ADGRB3: variants seen among roughly 807,000 people sequenced by gnomAD.
ADGRB3 encodes adhesion G protein-coupled receptor B3.
ADGRB3 carries 37 observed loss-of-function variants against 193.4 expected under a neutral mutation model. The observed-to-expected ratio is 0.19, with a 90% CI of 0.15 to 0.25. ADGRB3 has a LOEUF of 0.25. ADGRB3 is among the 10% of genes least tolerant of loss of function. The pLI, the probability that ADGRB3 is intolerant of heterozygous loss-of-function variation, is 1.00. For missense variants in ADGRB3, 1,637 were observed against 1,852.9 expected, an observed-to-expected ratio of 0.88 and a Z score of 2.14; for synonymous variants, 690 against 644.2, an observed-to-expected ratio of 1.07 and a Z score of -1.08.
intron 15 of ADGRB3, among the ~76,000 whole-genome samples, chr6:69,054,988 T>C (rs1771502320): frequency 6.6e-6 from 1 of 152,206 alleles, no homozygotes; most frequent in South Asian, 2.1e-4. Context: ...CTACATGAAC[T>C]ATAAATCTAA....
intron 6 of ADGRB3, among the ~76,000 whole-genome samples, chr6:68,953,693 A>G (rs1767992066): frequency 6.6e-6 from 1 of 152,242 alleles, no homozygotes; most frequent in Non-Finnish European, 1.5e-5. Flanking sequence ...TAATGGAATG[A>G]TTAAATTGGC....
chr6:68,979,555 A>G (rs1445585518), intron 10 of ADGRB3, among the ~76,000 whole-genome samples: 1 of 151,596 alleles, frequency 6.6e-6, no homozygotes, highest in African/African-American at 2.4e-5. Flanking sequence ...ATGAGAACAA[A>G]GTGCTAAACG....
At chr6:68,789,017 C>T (rs1767041163) in intron 3 of ADGRB3, among the ~76,000 whole-genome samples, 1 of 152,104 alleles carries the variant, frequency 6.6e-6, no homozygotes, top group South Asian at 2.1e-4. Flanking sequence ...GTAGATCTTC[C>T]TCCATCCCTT....
At chr6:69,367,582 G>T (rs552962805) in intron 29 of ADGRB3, among the ~76,000 whole-genome samples, 1 of 152,108 alleles carries the variant, frequency 6.6e-6, no homozygotes, top group Non-Finnish European at 1.5e-5. Flanking sequence ...GTATGTGATT[G>T]TGGTTTTGAT....
chr6:68,840,803 A>T (rs62418573), intron 3 of ADGRB3, among the ~76,000 whole-genome samples: 1 of 152,028 alleles, frequency 6.6e-6, no homozygotes, highest in Non-Finnish European at 1.5e-5. Context: ...ATCGAAAGAC[A>T]TAGAGTAGAC....
chr6:69,260,896 A>T (rs569600641), intron 20 of ADGRB3, among the ~76,000 whole-genome samples: 8 of 152,300 alleles, frequency 5.3e-5, no homozygotes, highest in African/African-American at 1.9e-4. Context: ...TCTAAACTGT[A>T]TTTAGGAATA....
chr6:69,168,447 A>C (rs1775186132), intron 17 of ADGRB3, among the ~76,000 whole-genome samples: 1 of 152,192 alleles, frequency 6.6e-6, no homozygotes, highest in African/African-American at 2.4e-5. Context: ...TAAGTACCCA[A>C]GTGTGACATT....
chr6:69,117,376 G>T (rs1377294589), intron 17 of ADGRB3, among the ~76,000 whole-genome samples: 1 of 152,116 alleles, frequency 6.6e-6, no homozygotes, highest in Non-Finnish European at 1.5e-5. Flanking sequence ...TAAAGTTTAG[G>T]TATGTTATTC....
chr6:69,214,356 C>T (rs1177750221), intron 17 of ADGRB3, among the ~76,000 whole-genome samples: 2 of 152,090 alleles, frequency 1.3e-5, no homozygotes, highest in Non-Finnish European at 2.9e-5. Context: ...GTATTGTAGT[C>T]AGTGCTGCTT....
chr6:68,734,643 G>A (rs1425455638), intron 3 of ADGRB3, among the ~76,000 whole-genome samples: 1 of 152,010 alleles, frequency 6.6e-6, no homozygotes, highest in African/African-American at 2.4e-5. Context: ...TAATGAAAAT[G>A]AGGAGAGGAG....
chr6:69,384,958 T>TTA (rs1175411852), intron 31 of ADGRB3, among the ~76,000 whole-genome samples: 1 of 85,356 alleles, frequency 1.2e-5, no homozygotes, highest in East Asian at 4.9e-4. Context: ...TTCTTTTCTT[T>TTA]TCTTTTTTTT....
chr6:69,213,068 T>C (rs1765700173), intron 17 of ADGRB3, among the ~76,000 whole-genome samples: 2 of 152,184 alleles, frequency 1.3e-5, no homozygotes, highest in African/African-American at 4.8e-5. Flanking sequence ...GAAGTATTCA[T>C]TTTATAAAGA....
At chr6:69,123,653 T>C (rs1773778946) in intron 17 of ADGRB3, among the ~76,000 whole-genome samples, 1 of 152,112 alleles carries the variant, frequency 6.6e-6, no homozygotes, top group African/African-American at 2.4e-5. Flanking sequence ...ATACAGCACC[T>C]AGGGGAAAAA....
At position 69,177,303 on chromosome 6, in the gene ADGRB3, A is replaced by C. The variant is rs1432690444; in HGVS notation, c.2481-55987A>C. ...TTGCTCTTAATACTGCTTTTGCTGT[A>C]TCCCAGATATTTTGGTATGTTGTGT... On this transcript the variant is annotated intron_variant, in intron 17 of 31. Transcript: ENST00000370598. Among the ~76,000 whole-genome samples, 3 of 152,166 alleles carry C rather than the reference A, an allele frequency of 2.0e-5. No individual in the cohort carries two copies. In the East Asian group the frequency reaches 5.8e-4, roughly 29 times the overall value.
intron 15 of ADGRB3, among the ~76,000 whole-genome samples, chr6:69,056,782 A>G (rs984648925): frequency 1.3e-5 from 2 of 152,044 alleles, no homozygotes; most frequent in South Asian, 2.1e-4. Context: ...TGTGTACTCT[A>G]TTCTGTTCTG....
Position 69,338,817 on chromosome 6 carries a change from T to C in ADGRB3, c.3189-99T>C. 8 of 935,334 alleles carry C rather than the reference T, an allele frequency of 8.6e-6. No homozygotes were observed. The East Asian group carries it at 1.5e-4, about 17-fold the overall frequency. 57.9% of individuals were successfully genotyped at this position (935,334 alleles called of 1,614,324 possible). ...TACATTTTTGATAAATATACTTTTC[T>C]GCATGAAATCGTATTTAAAAGCTAA... On this transcript the variant is annotated intron_variant, in intron 24 of 31. Coordinates refer to ENST00000370598, the MANE Select transcript of ADGRB3 (RefSeq NM_001704.3).
At chr6:68,722,018 A>G (rs1765592672) in intron 3 of ADGRB3, among the ~76,000 whole-genome samples, 1 of 151,682 alleles carries the variant, frequency 6.6e-6, no homozygotes, top group African/African-American at 2.4e-5. Context: ...TATATATTCT[A>G]CAGTTGTGTC....
At chr6:69,343,022 G>A (rs1769008802) in intron 26 of ADGRB3, among the ~76,000 whole-genome samples, 1 of 129,214 alleles carries the variant, frequency 7.7e-6, no homozygotes, top group South Asian at 2.5e-4. Flanking sequence ...TTATTTCTGT[G>A]GAGGAGGTGG....
chr6:68,936,219 C>T (rs1767482105), intron 4 of ADGRB3, among the ~76,000 whole-genome samples: 1 of 152,100 alleles, frequency 6.6e-6, no homozygotes, highest in Non-Finnish European at 1.5e-5. Flanking sequence ...AGAGAATCAC[C>T]TCAACAAATA....
Sources: allele counts gnomAD v4.1 joint callset (sites outside exome capture counted in the v4.1 genomes callset), GRCh38; gene constraint gnomAD v4.1.1; transcripts MANE v1.5; gene names NCBI Gene and HGNC (gene_info 2026-07-23, HGNC 2026-07-21).